RIN3: variants seen among roughly 807,000 people sequenced by gnomAD.
The protein encoded by RIN3 is RAB5 interacting protein 3.
Under a neutral mutation model 76.3 loss-of-function variants are expected in RIN3, and 54 were observed. That is an observed-to-expected ratio of 0.71 (90% CI 0.57 to 0.89). The LOEUF is 0.89. Among genes scored for constraint, RIN3 ranks in the 40% least tolerant of loss-of-function variants. The pLI, the probability that RIN3 is intolerant of heterozygous loss-of-function variation, is 0.00. For missense variants in RIN3, 1,256 were observed against 1,322.1 expected, an observed-to-expected ratio of 0.95 and a Z score of 0.78; for synonymous variants, 576 against 564.0, an observed-to-expected ratio of 1.02 and a Z score of -0.30.
chr14:92,573,099 C>G (rs1465864673), intron 2 of RIN3, among the ~76,000 whole-genome samples: 1 of 151,956 alleles, frequency 6.6e-6, no homozygotes, highest in Non-Finnish European at 1.5e-5. Context: ...TCAGGCTGGT[C>G]TCGAACTCCT....
In RIN3 at chr14:92,687,959, C is replaced by A. The variant is rs1388063810; in HGVS notation, c.2665C>A (p.Gln889Lys). Residue 889 changes from glutamine to lysine, a missense_variant, in exon 10 of 10, where the codon CAG becomes AAG. Physicochemically the swap from Gln to Lys is moderately conservative, Grantham distance 53. Around this residue, in one of 3 missense-constraint regions of RIN3, gnomAD observed 218 missense variants for 174.5 expected, o/e 1.25. Coordinates refer to ENST00000216487, the MANE Select transcript of RIN3 (RefSeq NM_024832.5). ...CTGCGTGTCGTACCTGGAGCCCGAG[C>A]AGCAGGCGCGGACGCTGGCGTCGCG... Reference protein sequence around the residue: ...FICVSYLEPEQQARTLASRAD... With the variant: ...FICVSYLEPEKQARTLASRAD... The A allele has an allele frequency of 3.9e-6, 6 of 1,554,324 alleles. No homozygotes were observed. Among genetic ancestry groups the A allele is most frequent in the East Asian group, 2.4e-5 (1 of 41,434 alleles).
chr14:92,561,569 C>A (rs1566843752), intron 2 of RIN3, among the ~76,000 whole-genome samples: 1 of 152,116 alleles, frequency 6.6e-6, no homozygotes, highest in Non-Finnish European at 1.5e-5. Context: ...CCCATATACT[C>A]CACACCAGTT....
At chr14:92,542,567 A>T (rs1897152859) in intron 1 of RIN3, among the ~76,000 whole-genome samples, 1 of 152,336 alleles carries the variant, frequency 6.6e-6, no homozygotes, top group East Asian at 1.9e-4. Flanking sequence ...CCACACCTAG[A>T]TATACACCCA....
At chr14:92,613,397 T>C (rs909885409) in intron 3 of RIN3, among the ~76,000 whole-genome samples, 5 of 152,232 alleles carry the variant, frequency 3.3e-5, no homozygotes, top group African/African-American at 9.6e-5. Flanking sequence ...TACCACCATC[T>C]AGTTAATATT....
chr14:92,652,093 T>C lies in RIN3; in HGVS notation c.1044T>C (p.Thr348=). Residue 348 remains threonine (T), a synonymous_variant, in exon 6 of 10, where the codon ACT becomes ACC. Coordinates refer to ENST00000216487, the MANE Select transcript of RIN3 (RefSeq NM_024832.5). The surrounding 1 kb of genome is among the most constrained non-coding windows in gnomAD (Gnocchi z 6.4). ...CCTGCGAGAGACTCCCATGCCCCACTGCAGGCCTGGGCCCCCTCAGGGAGG... is the reference window on the plus strand; with the variant it reads ...CCTGCGAGAGACTCCCATGCCCCACCGCAGGCCTGGGCCCCCTCAGGGAGG... The part of the protein sequence containing the change: ...MMTCERLPCP[T]AGLGPLREEA... The C allele has an allele frequency of 1.3e-6, 2 of 1,581,148 alleles. No individual in the cohort carries two copies. The highest frequency in any genetic ancestry group is 3.4e-4 in the Middle Eastern group (2 of 5,926).
At chr14:92,548,582 C>A (rs1432410830) in intron 1 of RIN3, among the ~76,000 whole-genome samples, 1 of 152,252 alleles carries the variant, frequency 6.6e-6, no homozygotes, top group South Asian at 2.1e-4. Flanking sequence ...ATGCCTCTCC[C>A]CGAGCTCCTG....
At chr14:92,653,552 G>A (rs1420056753) in intron 6 of RIN3, among the ~76,000 whole-genome samples, 5 of 152,224 alleles carry the variant, frequency 3.3e-5, no homozygotes, top group East Asian at 1.9e-4. Context: ...CCTCTTTCAC[G>A]CTCTGCTTTC....
At chr14:92,539,632 G>A (rs1331077045) in intron 1 of RIN3, among the ~76,000 whole-genome samples, 1 of 152,164 alleles carries the variant, frequency 6.6e-6, no homozygotes, top group East Asian at 1.9e-4. Flanking sequence ...GGACAGACCT[G>A]CCCAGGACAG....
chr14:92,563,362 A>AAAAC (rs199772929), intron 2 of RIN3, among the ~76,000 whole-genome samples: 20 of 152,152 alleles, frequency 1.3e-4, no homozygotes, highest in Non-Finnish European at 2.1e-4. Context: ...ACTCTGTCTC[A>AAAAC]AAACAAACAA....
At position 92,519,628 on chromosome 14, in the gene RIN3, A is replaced by G. The variant is rs1896540590; in HGVS notation, c.44+5652A>G. ...CGGCCCTACCAACAGAGGATGAGACAGGTGTCCAGGCTGAGGGATGGCGCT... is the reference window on the plus strand; with the variant it reads ...CGGCCCTACCAACAGAGGATGAGACGGGTGTCCAGGCTGAGGGATGGCGCT... On this transcript the variant is annotated intron_variant, in intron 1 of 9. Coordinates refer to ENST00000216487, the MANE Select transcript of RIN3 (RefSeq NM_024832.5). 2.0e-5 allele frequency among the ~76,000 whole-genome samples: 3 copies of G among 152,128 alleles called. No homozygotes were observed. The South Asian group carries it at 6.2e-4, about 32-fold the overall frequency.
At chr14:92,556,639 T>C (rs1370894511) in intron 2 of RIN3, among the ~76,000 whole-genome samples, 2 of 152,138 alleles carry the variant, frequency 1.3e-5, no homozygotes, top group African/African-American at 4.8e-5. Context: ...AAGTGGGTGA[T>C]AGATGATGAA....
At chr14:92,534,596 AAAAC>A (rs1475652701) in intron 1 of RIN3, among the ~76,000 whole-genome samples, 7 of 149,882 alleles carry the variant, frequency 4.7e-5, no homozygotes, top group East Asian at 1.9e-4. Context: ...TCAAAAAAAA[AAAAC>A]AAAAAGAAAG....
intron 7 of RIN3, among the ~76,000 whole-genome samples, chr14:92,663,206 C>G (rs542853447): frequency 6.6e-6 from 1 of 152,270 alleles, no homozygotes; most frequent in Non-Finnish European, 1.5e-5. Context: ...CTAAAGCTAG[C>G]GTCATCTCAC....
chr14:92,682,458 C>G lies in RIN3; in HGVS notation c.2468-2529C>G, dbSNP rs140604844. Among the ~76,000 whole-genome samples the G allele has an allele frequency of 5.3e-5, 8 of 152,330 alleles. No individual in the cohort carries two copies. The East Asian group carries it at 1.5e-3, about 29-fold the overall frequency. On this transcript the variant is annotated intron_variant, in intron 8 of 9. Transcript: ENST00000216487. ...TGCATCAAGAAGTCCAGGCGAAGCA[C>G]CTAGTAAGGATGGCATTTTGCATCC... is the stretch of plus-strand genomic sequence containing the variant.
chr14:92,637,971 C>G (rs1037618065), intron 4 of RIN3, among the ~76,000 whole-genome samples: 1 of 152,144 alleles, frequency 6.6e-6, no homozygotes, highest in Non-Finnish European at 1.5e-5. Context: ...GATGCCTGCC[C>G]TCAAGGTGCC....
intron 6 of RIN3, 131 bp from the exon 7 acceptor site, chr14:92,659,030 A>T: frequency 2.4e-6 from 2 of 823,936 alleles, no homozygotes; most frequent in East Asian, 2.4e-5. Context: ...ACCACAGGGT[A>T]TAACTGCTGG....
chr14:92,609,278 C>T (rs762015171), intron 3 of RIN3, among the ~76,000 whole-genome samples: 9 of 152,168 alleles, frequency 5.9e-5, no homozygotes, highest in Non-Finnish European at 1.2e-4. Context: ...TACCCAGCAT[C>T]TCTACCTGCC....
intron 4 of RIN3, among the ~76,000 whole-genome samples, chr14:92,638,576 C>T (rs575965067): frequency 4.0e-4 from 61 of 152,266 alleles, no homozygotes; most frequent in African/African-American, 1.1e-3. Flanking sequence ...CACACGGCGA[C>T]GGAGGAACCA....
chr14:92,549,013 C>A (rs1466137312), intron 1 of RIN3, among the ~76,000 whole-genome samples: 1 of 147,504 alleles, frequency 6.8e-6, no homozygotes, highest in Non-Finnish European at 1.5e-5. Context: ...GGCTCCCTCC[C>A]TCCCACGCCG....
Sources: allele counts gnomAD v4.1 joint callset (sites outside exome capture counted in the v4.1 genomes callset), GRCh38; gene constraint gnomAD v4.1.1; regional missense constraint gnomAD v4.1.1; non-coding constraint Gnocchi (gnomAD v3.1); transcripts MANE v1.5; gene names NCBI Gene and HGNC (gene_info 2026-07-23, HGNC 2026-07-21).